Variants in CNTN4 observed in about 807,000 individuals in gnomAD.
CNTN4 encodes the protein contactin-4.
CNTN4 carries 77 observed loss-of-function variants against 122.5 expected under a neutral mutation model. The observed-to-expected ratio is 0.63, with a 90% CI of 0.52 to 0.76. The LOEUF (loss-of-function observed/expected upper bound fraction) is 0.76, where lower values mean the gene tolerates loss of function less well. Ranked by LOEUF, CNTN4 falls within the 30% of genes least tolerant of loss-of-function variation. The probability of loss-of-function intolerance (pLI) is 0.00; values close to 1 mark genes in which losing one functional copy is unlikely to be tolerated. For missense variants in CNTN4, 1,256 were observed against 1,259.1 expected (o/e 1.00, Z 0.04); for synonymous variants, 512 against 447.0 (o/e 1.15, Z -1.83).
intron 6 of CNTN4, among the ~76,000 whole-genome samples, chr3:2,783,681 T>A (rs2091697620): frequency 6.6e-6 from 1 of 152,178 alleles, no homozygotes; most frequent in Admixed American, 6.5e-5. Context: ...CTTAGAAAAA[T>A]CTCGAACAAA....
intron 4 of CNTN4, among the ~76,000 whole-genome samples, chr3:2,651,777 A>G (rs1411901569): frequency 6.7e-6 from 1 of 149,376 alleles, no homozygotes; most frequent in Admixed American, 6.7e-5. Flanking sequence ...ATCTTGGCTC[A>G]CTGCAACCTC....
intron 2 of CNTN4, among the ~76,000 whole-genome samples, chr3:2,220,403 C>T (rs1300960653): frequency 2.0e-5 from 3 of 152,094 alleles, no homozygotes; most frequent in Non-Finnish European, 4.4e-5. Context: ...TAATATGTTT[C>T]CAGGAATGTT....
At chr3:2,539,176 C>A (rs915630692) in intron 3 of CNTN4, among the ~76,000 whole-genome samples, 4 of 151,988 alleles carry the variant, frequency 2.6e-5, no homozygotes, top group African/African-American at 7.2e-5. Context: ...GTGAAATTGA[C>A]TAATTTAGGT....
chr3:2,932,215 A>G (rs976881383), intron 13 of CNTN4, among the ~76,000 whole-genome samples: 1 of 151,934 alleles, frequency 6.6e-6, no homozygotes, highest in African/African-American at 2.4e-5. Flanking sequence ...CTCTTTACTA[A>G]AAATACAAAA....
chr3:2,983,508 G>T (rs1694253358), intron 13 of CNTN4, among the ~76,000 whole-genome samples: 1 of 152,078 alleles, frequency 6.6e-6, no homozygotes, highest in African/African-American at 2.4e-5. Flanking sequence ...GCTAACTCTG[G>T]TCTATTCATG....
At position 3,056,311 on chromosome 3, in the gene CNTN4, T is replaced by A; in HGVS notation, c.*91T>A. 1.1e-6 allele frequency: 1 copy of A among 938,664 alleles called. No individual in the cohort carries two copies. Among genetic ancestry groups the A allele is most frequent in the Admixed American group, 1.8e-5 (1 of 55,898 alleles). 58.1% of individuals were successfully genotyped at this position (938,664 alleles called of 1,614,324 possible). On this transcript the variant is annotated 3_prime_UTR_variant, in exon 25 of 25. Transcript: ENST00000418658. ...ACCCAGTACTAAGTAATATTGTTGT[T>A]CAAGTACATCTTATTACTGGAATAA...
At chr3:2,674,906 T>C (rs1451731423) in intron 4 of CNTN4, among the ~76,000 whole-genome samples, 1 of 152,214 alleles carries the variant, frequency 6.6e-6, no homozygotes, top group African/African-American at 2.4e-5. Context: ...TCCCAGCCTC[T>C]AGTAGCCTCT....
chr3:2,477,191 A>G (rs2151548114), intron 3 of CNTN4, among the ~76,000 whole-genome samples: 1 of 152,328 alleles, frequency 6.6e-6, no homozygotes, highest in South Asian at 2.1e-4. Flanking sequence ...TCTTGTTCTT[A>G]TAAGAAATGT....
At chr3:2,360,718 A>T (rs2045098178) in intron 3 of CNTN4, among the ~76,000 whole-genome samples, 1 of 152,062 alleles carries the variant, frequency 6.6e-6, no homozygotes, top group South Asian at 2.1e-4. Context: ...CCCCTTATAA[A>T]ACCATTAGAT....
intron 22 of CNTN4, 28 bp from the exon 23 acceptor site, chr3:3,043,564 G>A (rs1700354382): frequency 6.6e-7 from 1 of 1,513,442 alleles, no homozygotes; most frequent in South Asian, 1.1e-5. Context: ...AATAATCTGT[G>A]ACTTCGTATA....
At chr3:2,196,810 C>T (rs144524920) in intron 2 of CNTN4, among the ~76,000 whole-genome samples, 768 of 151,812 alleles carry the variant, frequency 5.1e-3, no homozygotes, top group Admixed American at 0.01. Context: ...TTTGGAAGGC[C>T]GAGGTGGGCA....
Position 2,104,360 on chromosome 3 carries a change from G to C in CNTN4, c.-145+3721G>C, listed in dbSNP as rs190061288. ...CCAAATTCCACAGGGCCTTGTAACA[G>C]GCTAACATGAGCAGATAAGCTCTTA... On this transcript the variant is annotated intron_variant, in intron 2 of 24. Coordinates refer to ENST00000418658, the MANE Select transcript of CNTN4 (RefSeq NM_175607.3). 6.6e-5 allele frequency among the ~76,000 whole-genome samples: 10 copies of C among 152,218 alleles called. 1 individual carries two copies. The highest frequency in any genetic ancestry group is 5.9e-4 in the Admixed American group (9 of 15,284).
chr3:2,135,215 A>G (rs541832534), intron 2 of CNTN4, among the ~76,000 whole-genome samples: 4 of 152,300 alleles, frequency 2.6e-5, no homozygotes, highest in Admixed American at 2.6e-4. Flanking sequence ...GATGAGATAA[A>G]GAGGAGGAGA....
intron 2 of CNTN4, among the ~76,000 whole-genome samples, chr3:2,250,887 C>T (rs147060944): frequency 1.3e-5 from 2 of 151,744 alleles, no homozygotes; most frequent in East Asian, 1.9e-4. Context: ...TGATTTTGCT[C>T]TAGTTCTAGT....
At chr3:2,326,519 C>CACACACACACACACAT (rs537814755) in intron 2 of CNTN4, among the ~76,000 whole-genome samples, 1 of 140,006 alleles carries the variant, frequency 7.1e-6, no homozygotes, top group Non-Finnish European at 1.6e-5. Context: ...CACACACACA[C>CACACACACACACACAT]ACACACACAA....
intron 4 of CNTN4, 143 bp from the exon 5 acceptor site, chr3:2,736,072 T>C (rs1339708665): frequency 2.3e-6 from 2 of 860,802 alleles, no homozygotes; most frequent in Admixed American, 3.4e-5. Flanking sequence ...GGAAATTTTC[T>C]TCTAGAAGCT....
At chr3:2,861,180 C>T (rs573039471) in intron 7 of CNTN4, among the ~76,000 whole-genome samples, 2 of 152,288 alleles carry the variant, frequency 1.3e-5, no homozygotes, top group South Asian at 4.1e-4. Context: ...ATAGAAATTA[C>T]TTTCCTGCTG....
At chr3:2,965,718 A>G (rs868391835) in intron 13 of CNTN4, among the ~76,000 whole-genome samples, 34 of 152,206 alleles carry the variant, frequency 2.2e-4, no homozygotes, top group Middle Eastern at 3.4e-3. Context: ...TTTGCTTCCT[A>G]TGTGACTGGC....
chr3:2,605,083 G>T (rs770272640), intron 4 of CNTN4, among the ~76,000 whole-genome samples: 16 of 152,066 alleles, frequency 1.1e-4, no homozygotes, highest in Admixed American at 2.0e-4. Flanking sequence ...CATAGTTCAC[G>T]GCAGCCTCGA....
Sources: gnomAD v4.1 joint callset for allele counts (sites outside exome capture counted in the v4.1 genomes callset) on GRCh38, gnomAD v4.1.1 for gene constraint, MANE v1.5 for transcripts, NCBI Gene and HGNC (gene_info 2026-07-23, HGNC 2026-07-21) for gene names.